The following CNGA2 variants were observed in gnomAD, a reference collection of about 807,000 sequenced individuals.
CNGA2 encodes the protein cyclic nucleotide gated channel subunit alpha 2.
A neutral mutation model predicts 35.9 loss-of-function variants in CNGA2; 22 were observed. The observed-to-expected ratio is 0.61, with a 90% CI of 0.44 to 0.88. The LOEUF (loss-of-function observed/expected upper bound fraction) is 0.88. CNGA2 is among the 40% of genes least tolerant of loss of function. The pLI is 0.00. For missense variants in CNGA2, 555 were observed against 530.8 expected, an observed-to-expected ratio of 1.05 and a Z score of -0.45; for synonymous variants, 217 against 209.2, an observed-to-expected ratio of 1.04 and a Z score of -0.32.
At chrX:151,740,956 C>A (rs1042599661) in intron 5 of CNGA2, 55 bp downstream of exon 5, 19 of 901,733 alleles carry the variant, frequency 2.1e-5, no homozygotes, top group Non-Finnish European at 3.1e-5. Context: ...CTTCAGACCC[C>A]GGGATTGACG....
chrX:151,738,734 G>A (rs2015272582), intron 2 of CNGA2, 53 bp from the exon 3 acceptor site: 1 of 1,110,120 alleles, frequency 9.0e-7, no homozygotes, highest in African/African-American at 1.8e-5. Flanking sequence ...CCCAGGAGGG[G>A]AGACAAGTCA....
Position 151,744,575 on chromosome X carries a change from G to A in CNGA2, c.*77G>A, listed in dbSNP as rs183601214. The A allele has an allele frequency of 1.1e-3, 894 of 847,907 alleles. 1 individual carries two copies. Among genetic ancestry groups the A allele is most frequent in the Non-Finnish European group, 1.3e-3 (809 of 606,965 alleles). 69.9% of individuals were successfully genotyped at this position (847,907 alleles called of 1,213,427 possible). ...AGCTAGAGGAGCTATTTAGATCTCC[G>A]GATTTACATGCATTACCCTCATGTT... On this transcript the variant is annotated 3_prime_UTR_variant, in exon 7 of 7. Transcript: ENST00000329903.
In CNGA2 at chrX:151,744,810, G is replaced by A. The variant is rs1054627560; in HGVS notation, c.*312G>A. 13 of 275,889 alleles carry A rather than the reference G, an allele frequency of 4.7e-5. No individual in the cohort carries two copies. Among genetic ancestry groups the A allele is most frequent in the Non-Finnish European group, 8.3e-5 (13 of 155,946 alleles). The allele number at this position is 275,889 out of a possible 1,213,427, so 22.7% of individuals were successfully genotyped here. A position where few individuals can be genotyped will look rare whatever the true frequency, so the allele number is the denominator to read the frequency against. On this transcript the variant is annotated 3_prime_UTR_variant, in exon 7 of 7. Transcript: ENST00000329903. ...TTTTGCTCATAGCGACCCCTCCCTT[G>A]GTTCTGGCCCCCGCTTTTTCTAACA...
At chrX:151,741,642 A>G (rs1408102397) in intron 5 of CNGA2, among the ~76,000 whole-genome samples, 2 of 112,597 alleles carry the variant, frequency 1.8e-5, no homozygotes, top group African/African-American at 6.4e-5. Flanking sequence ...TGGTGGCTAG[A>G]GAAAGGGCAG....
At chrX:151,738,654 A>C (rs2015271996) in intron 2 of CNGA2, 61 bp downstream of exon 2, 5 of 1,102,054 alleles carry the variant, frequency 4.5e-6, no homozygotes, top group Non-Finnish European at 6.2e-6. Flanking sequence ...TCTCTGCCTC[A>C]TTGTCACAGA....
rs1325846598 is a variant in CNGA2, at chrX:151,743,162, A to C, written c.659A>C (p.Gln220Pro). The change falls in exon 7 of 7, where the codon CAG becomes CCG. Residue 220 changes from glutamine to proline, a missense_variant. Physicochemically the swap from Gln to Pro is moderately conservative, Grantham distance 76. Transcript: ENST00000329903. ...CGAGACAACTACATCCACACCCTGC[A>C]GTTCAAGCTGGATGTGGCTTCCATC... The part of the protein sequence containing the change: ...KLRDNYIHTL[Q>P]FKLDVASIIP... The C allele has an allele frequency of 8.3e-7, 1 of 1,198,245 alleles. No individual in the cohort carries two copies. Among genetic ancestry groups the C allele is most frequent in the Admixed American group, 2.3e-5 (1 of 44,217 alleles).
Position 151,740,869 on chromosome X carries a change from C to T in CNGA2, c.450C>T (p.Pro150=), listed in dbSNP as rs769028067. 6 of 1,209,039 alleles carry T rather than the reference C, an allele frequency of 5.0e-6. No homozygotes were observed. Among genetic ancestry groups the T allele is most frequent in the East Asian group, 3.0e-5 (1 of 33,743 alleles). ...GCTGGCTATTTGTCATTGCCATGCC[C>T]GTCCTTTACAACTGGTGCCTGCTGG... The part of the protein sequence containing the change: ...YYCWLFVIAM[P]VLYNWCLLVA... Residue 150 remains proline (P), a synonymous_variant, in exon 5 of 7, where the codon CCC becomes CCT. Transcript: ENST00000329903.
intron 4 of CNGA2, among the ~76,000 whole-genome samples, chrX:151,740,075 T>A (rs1473970056): frequency 8.9e-6 from 1 of 111,969 alleles, no homozygotes; most frequent in African/African-American, 3.2e-5. Context: ...GCCAATCTCA[T>A]CTCCACTGTG....
intron 1 of CNGA2, among the ~76,000 whole-genome samples, chrX:151,737,975 G>A (rs1441762504): frequency 9.4e-6 from 1 of 106,351 alleles, no homozygotes. Context: ...ATGCTCCTTA[G>A]GGAAAAGGGA....
At chrX:151,741,250 G>T (rs1306219409) in intron 5 of CNGA2, among the ~76,000 whole-genome samples, 3 of 111,843 alleles carry the variant, frequency 2.7e-5, no homozygotes, top group Non-Finnish European at 5.6e-5. Flanking sequence ...CTCTGGACCT[G>T]ACCTTTTTCT....
At chrX:151,739,505 C>A (rs2087763608) in intron 3 of CNGA2, 57 bp from the exon 4 acceptor site, 6 of 1,134,989 alleles carry the variant, frequency 5.3e-6, no homozygotes, top group South Asian at 2.1e-5. Context: ...GGGACTGGTG[C>A]TTTCTGAACA....
rs1438330633 is a variant in CNGA2, at chrX:151,744,264, C to T, written c.1761C>T (p.Asn587=). The change falls in exon 7 of 7, where the codon AAC becomes AAT. Residue 587 remains asparagine (N), a synonymous_variant. Coordinates refer to ENST00000329903, the MANE Select transcript of CNGA2 (RefSeq NM_005140.3). The stretch of plus-strand genomic sequence containing the variant: ...TGAAGGAGGGACTGCTGGATGAGAA[C>T]GAAGTGGCAACCAGCATGGAGGTCG... ...ILMKEGLLDE[N]EVATSMEVDV... is the part of the protein sequence containing the mutation. 4.1e-6 allele frequency: 5 copies of T among 1,210,205 alleles called. No individual in the cohort carries two copies. Among genetic ancestry groups the T allele is most frequent in the South Asian group, 1.8e-5 (1 of 56,839 alleles).
chrX:151,741,511 G>T (rs1337298252), intron 5 of CNGA2, among the ~76,000 whole-genome samples: 2 of 112,221 alleles, frequency 1.8e-5, no homozygotes, highest in African/African-American at 6.5e-5. Context: ...TGTGCTCAGT[G>T]CTGGGGATAA....
chrX:151,742,929 T>TATATATATATATACATAC (rs1410986643), intron 6 of CNGA2, among the ~76,000 whole-genome samples, 164 bp from the exon 7 acceptor site: 2 of 77,447 alleles, frequency 2.6e-5, no homozygotes, highest in African/African-American at 1.2e-4. Flanking sequence ...GGGAAGGATA[T>TATATATATATATACATAC]ATATATATAT....
intron 2 of CNGA2, 24 bp from the exon 3 acceptor site, chrX:151,738,763 T>A: frequency 8.7e-7 from 1 of 1,151,310 alleles, no homozygotes; most frequent in Non-Finnish European, 1.2e-6. Flanking sequence ...GAACCCTGGG[T>A]CAATTCTGCT....
chrX:151,743,029 C>CACATATATAT (rs2015330758), intron 6 of CNGA2, 64 bp from the exon 7 acceptor site: 1 of 317,614 alleles, frequency 3.1e-6, no homozygotes, highest in African/African-American at 9.1e-5. Flanking sequence ...TATATATATG[C>CACATATATAT]ACATATATAT....
chrX:151,743,142 C>A lies in CNGA2; in HGVS notation c.639C>A (p.Asp213Glu). Reference sequence around the variant, plus strand: ...TCAAAGATACCAAGAAACTGCGAGACAACTACATCCACACCCTGCAGTTCA... The same window carrying A: ...TCAAAGATACCAAGAAACTGCGAGAAAACTACATCCACACCCTGCAGTTCA... ...LLVKDTKKLR[D>E]NYIHTLQFKL... The change falls in exon 7 of 7, where the codon GAC becomes GAA. Residue 213 changes from aspartate to glutamate, a missense_variant. By Grantham distance (45) the Asp-to-Glu change is conservative. Coordinates refer to ENST00000329903, the MANE Select transcript of CNGA2 (RefSeq NM_005140.3). 8.4e-7 allele frequency: 1 copy of A among 1,195,877 alleles called. No homozygotes were observed. The highest frequency in any genetic ancestry group is 1.1e-6 in the Non-Finnish European group (1 of 888,008).
intron 2 of CNGA2, 38 bp downstream of exon 2, chrX:151,738,631 C>A (rs1282815610): frequency 8.9e-7 from 1 of 1,126,153 alleles, no homozygotes; most frequent in South Asian, 1.9e-5. Context: ...ACAGAGGCTG[C>A]TACTTCTTCC....
rs760090374 is a variant in CNGA2, at chrX:151,743,527, C to T, written c.1024C>T (p.Pro342Ser). The change falls in exon 7 of 7, where the codon CCA becomes TCA. Residue 342 changes from proline to serine, a missense_variant. Physicochemically the swap from Pro to Ser is moderately conservative, Grantham distance 74. Transcript: ENST00000329903. ...TLTLTTIGET[P>S]PPVKDEEYLF... is the part of the protein sequence containing the mutation. ...GACTCTCACTACCATTGGGGAGACA[C>T]CACCCCCTGTAAAGGATGAGGAGTA... 1.6e-5 allele frequency: 19 copies of T among 1,208,597 alleles called. No homozygotes were observed. Among genetic ancestry groups the T allele is most frequent in the Non-Finnish European group, 2.0e-5 (18 of 894,788 alleles).
Sources: allele counts gnomAD v4.1 joint callset (sites outside exome capture counted in the v4.1 genomes callset), GRCh38; gene constraint gnomAD v4.1.1; transcripts MANE v1.5; gene names NCBI Gene and HGNC (gene_info 2026-07-23, HGNC 2026-07-21).